FANCC: variants seen among roughly 807,000 people sequenced by gnomAD.
FANCC encodes the protein FA complementation group C.
Under a neutral mutation model 71.3 loss-of-function variants are expected in FANCC, and 55 were observed. The observed-to-expected ratio is 0.77, with a 90% confidence interval of 0.62 to 0.97. The LOEUF (loss-of-function observed/expected upper bound fraction) is 0.97. Ranked by LOEUF, FANCC falls within the 50% of genes least tolerant of loss-of-function variation. The probability of loss-of-function intolerance (pLI) is 0.00; values close to 1 mark genes in which losing one functional copy is unlikely to be tolerated. For missense variants in FANCC, 678 were observed against 670.9 expected, an observed-to-expected ratio of 1.01 and a Z score of -0.12; for synonymous variants, 275 against 244.9, an observed-to-expected ratio of 1.12 and a Z score of -1.15.
intron 14 of FANCC, among the ~76,000 whole-genome samples, chr9:95,105,455 TAAAAC>T (rs1470293282): frequency 6.6e-5 from 10 of 152,264 alleles, no homozygotes; most frequent in East Asian, 1.9e-4. Flanking sequence ...AAATAAAAAA[TAAAAC>T]AAAACTCCCA....
intron 6 of FANCC, among the ~76,000 whole-genome samples, chr9:95,170,024 T>C (rs557523738): frequency 6.6e-6 from 1 of 152,356 alleles, no homozygotes; most frequent in South Asian, 2.1e-4. Context: ...ATTTTGTTTA[T>C]TGTCAGCTGC....
intron 3 of FANCC, among the ~76,000 whole-genome samples, chr9:95,244,704 A>C (rs1478068287): frequency 2.0e-5 from 3 of 148,512 alleles, no homozygotes; most frequent in East Asian, 1.9e-4. Flanking sequence ...AAAAAAAAAA[A>C]AAAAAAAAAC....
At chr9:95,255,806 A>C (rs374399500) in intron 1 of FANCC, among the ~76,000 whole-genome samples, 2 of 152,132 alleles carry the variant, frequency 1.3e-5, no homozygotes, top group African/African-American at 4.8e-5. Context: ...TCTTGAAAAA[A>C]GGTTAGAGGA....
At chr9:95,138,893 T>C (rs369055381) in intron 7 of FANCC, among the ~76,000 whole-genome samples, 7 of 152,238 alleles carry the variant, frequency 4.6e-5, no homozygotes, top group African/African-American at 1.7e-4. Flanking sequence ...TGTGTGTTAA[T>C]AGCTGTCTTT....
chr9:95,210,349 A>AAATGATAT (rs1828413693), intron 4 of FANCC, among the ~76,000 whole-genome samples: 1 of 152,170 alleles, frequency 6.6e-6, no homozygotes, highest in East Asian at 1.9e-4. Context: ...TTAAATTATA[A>AAATGATAT]AATGATATAC....
In FANCC at chr9:95,291,038, T is replaced by TA. The variant is rs200490546; in HGVS notation, c.-79+26487dup. On this transcript the variant is annotated intron_variant, in intron 1 of 14. Coordinates refer to ENST00000289081, the MANE Select transcript of FANCC (RefSeq NM_000136.3). ...TGACAAAATTCGACATCTTTCATGA[T>TA]AAAAAAAACTGTCAACAAATTAGGT... is the stretch of plus-strand genomic sequence containing the variant. Among the ~76,000 whole-genome samples, 143 of 152,064 alleles carry TA rather than the reference T, an allele frequency of 9.4e-4. No homozygotes were observed. The East Asian group carries it at 0.023, about 25-fold the overall frequency.
At chr9:95,257,127 G>A (rs549071558) in intron 1 of FANCC, among the ~76,000 whole-genome samples, 8 of 152,226 alleles carry the variant, frequency 5.3e-5, no homozygotes, top group Middle Eastern at 3.4e-3. Context: ...ACAGATCAAC[G>A]AGACAGAAAA....
At chr9:95,186,358 T>C (rs920390316) in intron 4 of FANCC, 10 of 152,250 alleles carry the variant, frequency 6.6e-5, no homozygotes, top group African/African-American at 1.9e-4. Flanking sequence ...GCCTTCTACC[T>C]CCTCAATGCC....
chr9:95,102,008 G>A (rs751175111), intron 14 of FANCC, among the ~76,000 whole-genome samples, 158 bp from the exon 15 acceptor site: 48 of 152,198 alleles, frequency 3.2e-4, no homozygotes, highest in Non-Finnish European at 4.0e-4. Context: ...AGTTTGCAAG[G>A]TGATTAGCAT....
chr9:95,144,962 G>A (rs970209062), intron 7 of FANCC, among the ~76,000 whole-genome samples: 2 of 152,072 alleles, frequency 1.3e-5, no homozygotes, highest in Admixed American at 6.5e-5. Context: ...TTTGACAGAA[G>A]GTTTAAGAGT....
intron 1 of FANCC, among the ~76,000 whole-genome samples, chr9:95,250,759 C>T (rs1182558560): frequency 6.6e-6 from 1 of 152,232 alleles, no homozygotes; most frequent in Admixed American, 6.5e-5. Flanking sequence ...ACCTCATTGC[C>T]ACCCCTCAGC....
chr9:95,296,323 T>C (rs746360835), intron 1 of FANCC, among the ~76,000 whole-genome samples: 1 of 152,044 alleles, frequency 6.6e-6, no homozygotes, highest in Non-Finnish European at 1.5e-5. Flanking sequence ...AATAGAAAAG[T>C]AGTAAAGAGA....
rs117175949 is a variant in FANCC, at chr9:95,101,702, G to A, written c.*5C>T. ...CGCCGGGCACCCACACGGCCTGCGT[G>A]CCTTCTAGACTTGAGTTCGCAGCTC... On this transcript the variant is annotated 3_prime_UTR_variant, in exon 15 of 15. Transcript: ENST00000289081. 6.7e-4 allele frequency: 1,085 copies of A among 1,613,762 alleles called. 16 individuals carry two copies. In the East Asian group the frequency reaches 0.021, roughly 32 times the overall value.
chr9:95,217,192 A>AAC (rs1208346597), intron 4 of FANCC, among the ~76,000 whole-genome samples: 1 of 152,216 alleles, frequency 6.6e-6, no homozygotes, highest in African/African-American at 2.4e-5. Context: ...TTAATTTAAA[A>AAC]ACACATTTCT....
intron 14 of FANCC, among the ~76,000 whole-genome samples, chr9:95,103,669 A>G (rs2071225242): frequency 6.6e-6 from 1 of 152,212 alleles, no homozygotes; most frequent in African/African-American, 2.4e-5. Flanking sequence ...GCAGGGCCTC[A>G]TGGATGGCGT....
At chr9:95,313,887 T>C (rs185366083) in intron 1 of FANCC, among the ~76,000 whole-genome samples, 258 of 152,354 alleles carry the variant, frequency 1.7e-3, no homozygotes, top group African/African-American at 6.0e-3. Flanking sequence ...TTCTAACATT[T>C]GTTCATAAGA....
intron 1 of FANCC, among the ~76,000 whole-genome samples, chr9:95,285,200 G>A (rs1163907802): frequency 1.3e-5 from 2 of 151,896 alleles, no homozygotes; most frequent in African/African-American, 4.8e-5. Context: ...ATGTAATTAG[G>A]AGCCCTAGGG....
chr9:95,292,377 G>A (rs1834086604), intron 1 of FANCC: 2 of 1,023,548 alleles, frequency 2.0e-6, no homozygotes, highest in Non-Finnish European at 1.2e-6. Context: ...GGGGTCCACG[G>A]CTCTGGCGGC....
chr9:95,152,967 A>C (rs1830266156), intron 6 of FANCC, among the ~76,000 whole-genome samples: 1 of 152,256 alleles, frequency 6.6e-6, no homozygotes, highest in African/African-American at 2.4e-5. Flanking sequence ...ACTATGTTTT[A>C]AGCAAGTTTA....
Sources: gnomAD v4.1 joint callset for allele counts (sites outside exome capture counted in the v4.1 genomes callset) on GRCh38, gnomAD v4.1.1 for gene constraint, MANE v1.5 for transcripts, NCBI Gene and HGNC (gene_info 2026-07-23, HGNC 2026-07-21) for gene names.